The following ANK2 variants were observed in gnomAD, a reference collection of about 807,000 sequenced individuals.
ANK2 encodes the protein ankyrin 2, also known as ankyrin-2.
A neutral mutation model predicts 360.5 loss-of-function variants in ANK2; 83 were observed. The ratio of observed to expected loss-of-function variants is 0.23; its 90% CI spans 0.19 to 0.28. The LOEUF is 0.28. Among genes scored for constraint, ANK2 ranks in the 10% least tolerant of loss-of-function variants. The probability of loss-of-function intolerance (pLI) is 1.00; values close to 1 mark genes in which losing one functional copy is unlikely to be tolerated. For synonymous variants in ANK2, 1,740 were observed against 1,759.5 expected (o/e 0.99, Z 0.28); for missense variants, 4,201 against 4,795.7 (o/e 0.88, Z 3.66).
intron 5 of ANK2, among the ~76,000 whole-genome samples, chr4:113,232,693 T>A (rs1585511869): frequency 1.3e-5 from 2 of 150,256 alleles, no homozygotes; most frequent in Non-Finnish European, 3.0e-5. Context: ...GGAATGTCAT[T>A]AAAAAAAAAC....
intron 4 of ANK2, among the ~76,000 whole-genome samples, chr4:113,225,296 A>C (rs898140833): frequency 2.0e-5 from 3 of 152,156 alleles, no homozygotes; most frequent in Middle Eastern, 3.4e-3. Flanking sequence ...GTATGTCTGG[A>C]GCCTTAAATG....
At chr4:113,098,796 A>G (rs990727125) in intron 1 of ANK2, among the ~76,000 whole-genome samples, 1 of 152,016 alleles carries the variant, frequency 6.6e-6, no homozygotes. Flanking sequence ...AGAAAGATTT[A>G]TATACCATTA....
At chr4:113,022,707 A>T (rs2058441870) in intron 2 of ANK2, among the ~76,000 whole-genome samples, 1 of 152,210 alleles carries the variant, frequency 6.6e-6, no homozygotes, top group African/African-American at 2.4e-5. Flanking sequence ...AGAATCATGG[A>T]CTATTTTTAG....
At chr4:112,858,617 T>G (rs1187362311) in intron 1 of ANK2, among the ~76,000 whole-genome samples, 1 of 152,212 alleles carries the variant, frequency 6.6e-6, no homozygotes, top group Non-Finnish European at 1.5e-5. Context: ...GTTCATGCAT[T>G]GACTGAAACA....
chr4:113,359,443 G>A, intron 38 of ANK2, 144 bp downstream of exon 38: 2 of 1,016,066 alleles, frequency 2.0e-6, no homozygotes, highest in East Asian at 2.6e-5. Flanking sequence ...TAAGCCCTTT[G>A]TGTTTTGTGC....
At chr4:113,096,967 A>G (rs2091312318) in intron 1 of ANK2, among the ~76,000 whole-genome samples, 1 of 151,438 alleles carries the variant, frequency 6.6e-6, no homozygotes, top group Non-Finnish European at 1.5e-5. Flanking sequence ...CTTGGGCAAA[A>G]GCAATATTAA....
chr4:113,014,459 AG>A (rs765109124), intron 2 of ANK2, among the ~76,000 whole-genome samples: 49 of 152,306 alleles, frequency 3.2e-4, no homozygotes, highest in Non-Finnish European at 4.3e-4. Context: ...AACTCACCCA[AG>A]GTTGCATGAC....
chr4:113,372,988 C>T lies in ANK2; in HGVS notation c.11611-102C>T, dbSNP rs116696441. On this transcript the variant is annotated intron_variant, in intron 43 of 45. Transcript: ENST00000357077. Reference sequence around the variant, plus strand: ...GTATCTCAGCAATGCTTCTCAACATCGCCTTTGATTTTCTAACATTCCTCA... The same window carrying T: ...GTATCTCAGCAATGCTTCTCAACATTGCCTTTGATTTTCTAACATTCCTCA... 5.9e-4 allele frequency: 607 copies of T among 1,031,526 alleles called. 2 individuals are homozygous for T. The African/African-American group carries it at 7.8e-3, about 13-fold the overall frequency. The allele number at this position is 1,031,526 out of a possible 1,614,324, so 63.9% of individuals were successfully genotyped here.
At chr4:113,106,646 C>T (rs1356108920) in intron 1 of ANK2, among the ~76,000 whole-genome samples, 4 of 152,192 alleles carry the variant, frequency 2.6e-5, no homozygotes. Flanking sequence ...TCAATTGTAA[C>T]TGTAGTTCCT....
intron 1 of ANK2, among the ~76,000 whole-genome samples, chr4:112,868,486 G>A (rs1437027171): frequency 3.3e-5 from 5 of 152,224 alleles, no homozygotes; most frequent in African/African-American, 1.2e-4. Flanking sequence ...TCACTCCAGT[G>A]ATAAAAACAT....
intron 2 of ANK2, among the ~76,000 whole-genome samples, chr4:113,175,160 G>A (rs530973425): frequency 9.9e-4 from 151 of 152,130 alleles, no homozygotes; most frequent in Non-Finnish European, 1.7e-3. Flanking sequence ...TAAATGTTGT[G>A]TTGTGTGTTG....
intron 2 of ANK2, among the ~76,000 whole-genome samples, chr4:112,993,031 C>G (rs1178740721): frequency 1.3e-5 from 2 of 151,986 alleles, no homozygotes; most frequent in African/African-American, 4.8e-5. Flanking sequence ...ACCTGTAATT[C>G]CAGCACTTCA....
At chr4:112,737,471 A>G in the ANK2 span, among the ~76,000 whole-genome samples, 1 of 152,234 alleles carries the variant, frequency 6.6e-6, no homozygotes, top group Non-Finnish European at 1.5e-5. Context: ...TCCAATGTTC[A>G]GGGCTTTAAA....
In ANK2 at chr4:113,274,841, T is replaced by C. The variant is rs531057285; in HGVS notation, c.1683+192T>C. ...GATTCCGTATATCTTCAATAAAGAG[T>C]GCTGAATTTCATTCTAATTAATGCC... On this transcript the variant is annotated intron_variant, in intron 15 of 45. Transcript: ENST00000357077. 2.0e-5 allele frequency among the ~76,000 whole-genome samples: 3 copies of C among 152,276 alleles called. No individual in the cohort carries two copies. In the East Asian group the frequency reaches 5.8e-4, roughly 29 times the overall value.
chr4:112,783,144 G>A, the ANK2 span, among the ~76,000 whole-genome samples: 19 of 152,022 alleles, frequency 1.2e-4, no homozygotes, highest in African/African-American at 3.4e-4. Context: ...TCCTGACCTC[G>A]TGATTCCCCC....
At chr4:113,302,056 A>T (rs2075284208) in intron 22 of ANK2, among the ~76,000 whole-genome samples, 2 of 152,214 alleles carry the variant, frequency 1.3e-5, no homozygotes, top group African/African-American at 4.8e-5. Context: ...GAGGAAATTG[A>T]GGCACATGTA....
chr4:113,087,982 T>C (rs1051563508), intron 1 of ANK2, among the ~76,000 whole-genome samples: 10 of 152,310 alleles, frequency 6.6e-5, no homozygotes, highest in Non-Finnish European at 1.5e-4. Flanking sequence ...CCTCTGAACC[T>C]CAAAAGATTT....
chr4:113,104,741 A>G (rs2093407176), intron 1 of ANK2, among the ~76,000 whole-genome samples: 1 of 148,396 alleles, frequency 6.7e-6, no homozygotes, highest in African/African-American at 2.6e-5. Flanking sequence ...AACAACAACA[A>G]TAACAACAAC....
Position 113,237,167 on chromosome 4 carries a change from T to G in ANK2, c.664T>G (p.Ser222Ala). Residue 222 changes from serine (S) to alanine (A), a missense_variant, in exon 6 of 46, where the codon TCC becomes GCC. Around this residue, in one of 4 missense-constraint regions of ANK2, gnomAD observed 122 missense variants for 239.3 expected, o/e 0.51. Transcript: ENST00000357077. ...GAATGACCACAATGCTGACGTACAA[T>G]CCAAGGTACTTAAAGCTGAACACAT... ...LQNDHNADVQ[S>A]KMMVNRTTES... 2 of 1,613,580 alleles carry G rather than the reference T, an allele frequency of 1.2e-6. No homozygotes were observed. Among genetic ancestry groups the G allele is most frequent in the Non-Finnish European group, 1.7e-6 (2 of 1,179,638 alleles).
Sources: allele counts gnomAD v4.1 joint callset (sites outside exome capture counted in the v4.1 genomes callset), GRCh38; gene constraint gnomAD v4.1.1; regional missense constraint gnomAD v4.1.1; transcripts MANE v1.5; gene names NCBI Gene and HGNC (gene_info 2026-07-23, HGNC 2026-07-21).